Variants in ZC3H14 observed in about 807,000 individuals in gnomAD.
ZC3H14 encodes the protein zinc finger CCCH-type containing 14.
A neutral mutation model predicts 92.4 loss-of-function variants in ZC3H14; 31 were observed. The observed-to-expected ratio is 0.34, with a 90% CI of 0.25 to 0.45. The LOEUF (loss-of-function observed/expected upper bound fraction) is 0.45. Among genes scored for constraint, ZC3H14 ranks in the 20% least tolerant of loss-of-function variants. The pLI, the probability that ZC3H14 is intolerant of heterozygous loss-of-function variation, is 1.00. For missense variants in ZC3H14, 781 were observed against 897.3 expected (o/e 0.87, Z 1.66); for synonymous variants, 321 against 300.9 (o/e 1.07, Z -0.69).
intron 10 of ZC3H14, among the ~76,000 whole-genome samples, chr14:88,601,263 T>G (rs746665876): frequency 1.6e-4 from 24 of 152,240 alleles, no homozygotes; most frequent in Non-Finnish European, 2.2e-4. Flanking sequence ...AGAAGTGTAT[T>G]AACTTCAGTC....
intron 2 of ZC3H14, among the ~76,000 whole-genome samples, chr14:88,566,965 C>T (rs1566882475): frequency 6.6e-6 from 1 of 151,194 alleles, no homozygotes; most frequent in Non-Finnish European, 1.5e-5. Flanking sequence ...TTTTGAGGGT[C>T]AGAGATTAGA....
chr14:88,603,175 A>G (rs1429278967), intron 12 of ZC3H14, 115 bp downstream of exon 12: 2 of 1,031,268 alleles, frequency 1.9e-6, no homozygotes, highest in Admixed American at 2.0e-5. Context: ...ATATTCAGTA[A>G]TGGCCTTTTT....
At chr14:88,572,300 T>G in intron 5 of ZC3H14, 75 bp downstream of exon 5, 1 of 1,528,492 alleles carries the variant, frequency 6.5e-7, no homozygotes, top group Non-Finnish European at 9.0e-7. Context: ...TTTATATCTT[T>G]CAGTTTGCTG....
intron 1 of ZC3H14, 26 bp from the exon 2 acceptor site, chr14:88,563,625 A>T (rs200952678): frequency 2.7e-5 from 44 of 1,613,656 alleles, no homozygotes; most frequent in Non-Finnish European, 3.7e-5. Flanking sequence ...CCTTTCTCAC[A>T]TGCACGTTTG....
intron 9 of ZC3H14, among the ~76,000 whole-genome samples, chr14:88,595,379 G>A (rs143186186): frequency 6.6e-6 from 1 of 152,330 alleles, no homozygotes; most frequent in East Asian, 1.9e-4. Flanking sequence ...TTGAAATGTG[G>A]AAGTGTGGTC....
At chr14:88,601,798 C>G in intron 10 of ZC3H14, 126 bp from the exon 11 acceptor site, 1 of 1,144,952 alleles carries the variant, frequency 8.7e-7, no homozygotes, top group East Asian at 2.7e-5. Flanking sequence ...CTGAGTGGAA[C>G]CAGTTGTGAT....
rs769477236 is a variant in ZC3H14, at chr14:88,618,217, T to C, written c.*6466T>C. On this transcript the variant is annotated 3_prime_UTR_variant, in exon 17 of 17. Transcript: ENST00000251038. ...AGTCAGTTCTTGCCTTGTGAATATATAAGTATTTACCTAGTCCATGTAGCC... is the reference window on the plus strand; with the variant it reads ...AGTCAGTTCTTGCCTTGTGAATATACAAGTATTTACCTAGTCCATGTAGCC... 11 of 1,611,244 alleles carry C rather than the reference T, an allele frequency of 6.8e-6. No homozygotes were observed. The highest frequency in any genetic ancestry group is 3.3e-4 in the Middle Eastern group (2 of 6,082).
Position 88,616,149 on chromosome 14 carries a change from C to A in ZC3H14, c.*4398C>A. The A allele has an allele frequency of 6.2e-7, 1 of 1,613,830 alleles. No homozygotes were observed. The highest frequency in any genetic ancestry group is 1.1e-5 in the South Asian group (1 of 91,026). On this transcript the variant is annotated 3_prime_UTR_variant, in exon 17 of 17. Transcript: ENST00000251038. Reference sequence around the variant, plus strand: ...GCTGAGAAAGTTACTAACCTGCAGTCATCACCTCCAGCACTAACAACATGT... The same window carrying A: ...GCTGAGAAAGTTACTAACCTGCAGTAATCACCTCCAGCACTAACAACATGT...
chr14:88,624,012 G>A lies in ZC3H14; in HGVS notation c.*12261G>A, dbSNP rs1193120030. 6.6e-6 allele frequency: 1 copy of A among 152,164 alleles called. No homozygotes were observed. Among genetic ancestry groups the A allele is most frequent in the Non-Finnish European group, 1.5e-5 (1 of 68,046 alleles). The allele number at this position is 152,164 out of a possible 1,614,324, so 9.4% of individuals were successfully genotyped here. On this transcript the variant is annotated 3_prime_UTR_variant, in exon 17 of 17. Coordinates refer to ENST00000251038, the MANE Select transcript of ZC3H14 (RefSeq NM_024824.5). ...CTGCGCTTGTGTTTAATTAACATAT[G>A]TGGGTTCTTTCAATCCTGTATTGAA...
chr14:88,627,504 T>G lies in ZC3H14; in HGVS notation c.*15753T>G. On this transcript the variant is annotated 3_prime_UTR_variant, in exon 17 of 17. Coordinates refer to ENST00000251038, the MANE Select transcript of ZC3H14 (RefSeq NM_024824.5). ...CTTTTAAAGTGAAATATACCTACAG[T>G]ACCACTGTGTACAGTATATTGCATA... is the stretch of plus-strand genomic sequence containing the variant. The G allele has an allele frequency of 1.4e-6, 1 of 729,962 alleles. No individual in the cohort carries two copies. The highest frequency in any genetic ancestry group is 3.6e-4 in the Middle Eastern group (1 of 2,810). 45.2% of individuals were successfully genotyped at this position (729,962 alleles called of 1,614,324 possible). A position where few individuals can be genotyped will look rare whatever the true frequency, so the allele number is the denominator to read the frequency against.
chr14:88,618,459 T>C lies in ZC3H14; in HGVS notation c.*6708T>C. The C allele has an allele frequency of 9.1e-7, 1 of 1,096,240 alleles. No individual in the cohort carries two copies. The highest frequency in any genetic ancestry group is 2.3e-5 in the Admixed American group (1 of 42,948). 67.9% of individuals were successfully genotyped at this position (1,096,240 alleles called of 1,614,324 possible). On this transcript the variant is annotated 3_prime_UTR_variant, in exon 17 of 17. Coordinates refer to ENST00000251038, the MANE Select transcript of ZC3H14 (RefSeq NM_024824.5). ...CTAACATTATTAAGTATGCAAAAGATCACTACAAAAACTTAATAGGAGAAA... is the reference window on the plus strand; with the variant it reads ...CTAACATTATTAAGTATGCAAAAGACCACTACAAAAACTTAATAGGAGAAA...
At position 88,616,434 on chromosome 14, in the gene ZC3H14, T is replaced by C; in HGVS notation, c.*4683T>C. 1 of 626,150 alleles carries C rather than the reference T, an allele frequency of 1.6e-6. No homozygotes were observed. The highest frequency in any genetic ancestry group is 2.8e-6 in the Non-Finnish European group (1 of 361,936). The allele number at this position is 626,150 out of a possible 1,614,324, so 38.8% of individuals were successfully genotyped here. ...CAGGCTGTGTGGGCAGTCAGATGTC[T>C]CCAGGTACTCTGACCATTTTTCTCT... On this transcript the variant is annotated 3_prime_UTR_variant, in exon 17 of 17. Transcript: ENST00000251038.
At chr14:88,588,876 A>T (rs1306305202) in intron 9 of ZC3H14, among the ~76,000 whole-genome samples, 1 of 152,172 alleles carries the variant, frequency 6.6e-6, no homozygotes, top group Non-Finnish European at 1.5e-5. Flanking sequence ...TGAACATTTT[A>T]AAAATGTAGG....
chr14:88,571,475 A>C (rs1187444095), intron 4 of ZC3H14, among the ~76,000 whole-genome samples: 1 of 152,234 alleles, frequency 6.6e-6, no homozygotes, highest in Non-Finnish European at 1.5e-5. Context: ...ATATTTAACT[A>C]TTAAAAATAA....
chr14:88,615,756 T>C lies in ZC3H14; in HGVS notation c.*4005T>C. The C allele has an allele frequency of 6.5e-7, 1 of 1,549,176 alleles. No homozygotes were observed. Among genetic ancestry groups the C allele is most frequent in the Admixed American group, 1.9e-5 (1 of 52,498 alleles). On this transcript the variant is annotated 3_prime_UTR_variant, in exon 17 of 17. Coordinates refer to ENST00000251038, the MANE Select transcript of ZC3H14 (RefSeq NM_024824.5). ...CCACTTGACCATGCAGGGTTGGGTTTTGGTTTTTCTTCTCTGTAATTCTGG... is the reference window on the plus strand; with the variant it reads ...CCACTTGACCATGCAGGGTTGGGTTCTGGTTTTTCTTCTCTGTAATTCTGG...
In ZC3H14 at chr14:88,614,000, C is replaced by CT. The variant is rs1417801371; in HGVS notation, c.*2252dup. The CT allele has an allele frequency of 6.6e-6, 1 of 152,102 alleles. No homozygotes were observed. Among genetic ancestry groups the CT allele is most frequent in the Non-Finnish European group, 1.5e-5 (1 of 68,006 alleles). 9.4% of individuals were successfully genotyped at this position (152,102 alleles called of 1,614,324 possible). ...AAGGCTGACTTAATCAGGTTGGCCA[C>CT]TTTGAAGGACAGAAATGCAGTGGAA... On this transcript the variant is annotated 3_prime_UTR_variant, in exon 17 of 17. Coordinates refer to ENST00000251038, the MANE Select transcript of ZC3H14 (RefSeq NM_024824.5).
chr14:88,563,810 T>A (rs1238544316), intron 2 of ZC3H14, 117 bp downstream of exon 2: 2 of 985,528 alleles, frequency 2.0e-6, no homozygotes, highest in African/African-American at 3.2e-5. Context: ...CCTTCTACCT[T>A]CTTCAAATCT....
intron 10 of ZC3H14, among the ~76,000 whole-genome samples, chr14:88,597,950 A>G (rs568761045): frequency 2.9e-4 from 44 of 152,108 alleles, no homozygotes; most frequent in African/African-American, 1.0e-3. Context: ...TTTTTATTCT[A>G]AGATCCCTTT....
chr14:88,572,370 G>A, intron 5 of ZC3H14, 145 bp downstream of exon 5: 2 of 1,104,156 alleles, frequency 1.8e-6, no homozygotes, highest in Non-Finnish European at 2.6e-6. Flanking sequence ...ATAAAATAAT[G>A]GATAAGATCT....
Sources: gnomAD v4.1 joint callset for allele counts (sites outside exome capture counted in the v4.1 genomes callset) on GRCh38, gnomAD v4.1.1 for gene constraint, MANE v1.5 for transcripts, NCBI Gene and HGNC (gene_info 2026-07-23, HGNC 2026-07-21) for gene names.